The following UNC13D variants were observed in gnomAD, a reference collection of about 807,000 sequenced individuals.
UNC13D encodes unc-13 homolog D, also known as protein unc-13 homolog D.
In UNC13D, 115 loss-of-function variants were observed where a neutral mutation model predicts 151.7. That is an observed-to-expected ratio of 0.76 (90% confidence interval 0.65 to 0.88). The LOEUF (loss-of-function observed/expected upper bound fraction) is 0.88. Among genes scored for constraint, UNC13D ranks in the 40% least tolerant of loss-of-function variants. UNC13D has a pLI of 0.00. For missense variants in UNC13D, 1,369 were observed against 1,438.7 expected, an observed-to-expected ratio of 0.95 and a Z score of 0.78; for synonymous variants, 588 against 612.2, an observed-to-expected ratio of 0.96 and a Z score of 0.58.
chr17:75,832,644 A>C lies in UNC13D; in HGVS notation c.2447+322T>G. The C allele has an allele frequency of 3.4e-6, 1 of 291,106 alleles. No individual in the cohort carries two copies. Among genetic ancestry groups the C allele is most frequent in the African/African-American group, 2.1e-5 (1 of 46,854 alleles). The allele number at this position is 291,106 out of a possible 1,614,324, so 18.0% of individuals were successfully genotyped here. A position where few individuals can be genotyped will look rare whatever the true frequency, so the allele number is the denominator to read the frequency against. ...GGACAGGTAGATTTTGGCTCAGCCT[A>C]AGGAAGAACTCAAAGCACTCAGAGC... On this transcript the variant is annotated intron_variant, in intron 25 of 31. Transcript: ENST00000207549. The surrounding 1 kb of genome is among the most constrained non-coding windows in gnomAD (Gnocchi z 4.3).
intron 6 of UNC13D, 85 bp from the exon 7 acceptor site, chr17:75,841,086 T>C: frequency 6.6e-7 from 1 of 1,522,814 alleles, no homozygotes; most frequent in Non-Finnish European, 9.1e-7. Flanking sequence ...CCCAGAGCCA[T>C]GGAGTTGTAG....
In UNC13D at chr17:75,842,540, C is replaced by A; in HGVS notation, c.462G>T (p.Arg154=). 1 of 1,612,518 alleles carries A rather than the reference C, an allele frequency of 6.2e-7. No homozygotes were observed. Among genetic ancestry groups the A allele is most frequent in the Admixed American group, 1.7e-5 (1 of 59,972 alleles). The change falls in exon 6 of 32, where the codon CGG becomes CGT. Residue 154 remains arginine, a synonymous_variant. Coordinates refer to ENST00000207549, the MANE Select transcript of UNC13D (RefSeq NM_199242.3). ...VGVPGGSPGS[R]HRQKAVVRHT... Reference sequence around the variant, plus strand: ...GCCTCACCACAGCCTTCTGCCGATGCCGGGACCCGGGGCTGCCCCCTGGCA... The same window carrying A: ...GCCTCACCACAGCCTTCTGCCGATGACGGGACCCGGGGCTGCCCCCTGGCA...
chr17:75,830,622 G>T lies in UNC13D; in HGVS notation c.2665C>A (p.Arg889=). The change falls in exon 28 of 32, where the codon CGG becomes AGG. Residue 889 remains arginine (R), a synonymous_variant. Coordinates refer to ENST00000207549, the MANE Select transcript of UNC13D (RefSeq NM_199242.3). The stretch of plus-strand genomic sequence containing the variant: ...CAGAAGTACTTCCGGATGAGTTCCC[G>T]GCTGGAGGCCGCCTGCAGCTCCAGG... The part of the protein sequence containing the change: ...RDLELQAASS[R]ELIRKYFCSR... 1 of 1,557,738 alleles carries T rather than the reference G, an allele frequency of 6.4e-7. No homozygotes were observed. The highest frequency in any genetic ancestry group is 8.7e-7 in the Non-Finnish European group (1 of 1,151,046).
rs757976527 is a variant in UNC13D at position 75,828,138 on chromosome 17, G to A, written c.3152-52C>T. On this transcript the variant is annotated intron_variant, in intron 31 of 31. Transcript: ENST00000207549. ...GATGCCAGGGGAGAGGGCAGTGCCT[G>A]GTGGTGGCAGAGAAGAGTGTGTGGG... is the stretch of plus-strand genomic sequence containing the variant. 16 of 1,552,228 alleles carry A rather than the reference G, an allele frequency of 1.0e-5. No homozygotes were observed. The African/African-American group carries it at 2.0e-4, about 20-fold the overall frequency.
In UNC13D at chr17:75,834,663, G is replaced by A. The variant is rs139837456; in HGVS notation, c.2046C>T (p.Arg682=). Residue 682 remains arginine, a synonymous_variant, in exon 22 of 32, where the codon CGC becomes CGT. Transcript: ENST00000207549. Reference sequence around the variant, plus strand: ...GGTCCTTCTGGCCTGAAGAGAGCTCGCGGGCCCGGGCCTTTATAAGGCTGC... The same window carrying A: ...GGTCCTTCTGGCCTGAAGAGAGCTCACGGGCCCGGGCCTTTATAAGGCTGC... The part of the protein sequence containing the change: ...VYCSLIKARA[R]ELSSGQKDQG... 53 of 1,613,720 alleles carry A rather than the reference G, an allele frequency of 3.3e-5. No homozygotes were observed. In the African/African-American group the frequency reaches 4.9e-4, roughly 15 times the overall value.
chr17:75,833,205 C>A lies in UNC13D; in HGVS notation c.2368-160G>T. ...CCGGCCTGCCCACCTCTCTGCCTTC[C>A]CCTCTCCGTTGCTCAGCCTGTCCCA... On this transcript the variant is annotated intron_variant, in intron 24 of 31. Transcript: ENST00000207549. This position sits in a 1 kb window ranked among gnomAD's most constrained non-coding sequence, Gnocchi z 4.0. The A allele has an allele frequency of 1.5e-6, 1 of 652,766 alleles. No homozygotes were observed. The highest frequency in any genetic ancestry group is 2.9e-5 in the East Asian group (1 of 34,156). The allele number at this position is 652,766 out of a possible 1,614,324, so 40.4% of individuals were successfully genotyped here. A position where few individuals can be genotyped will look rare whatever the true frequency, so the allele number is the denominator to read the frequency against.
chr17:75,834,307 T>C lies in UNC13D; in HGVS notation c.2298+18A>G, dbSNP rs771919795. 9 of 1,592,856 alleles carry C rather than the reference T, an allele frequency of 5.7e-6. No homozygotes were observed. The highest frequency in any genetic ancestry group is 7.6e-6 in the Non-Finnish European group (9 of 1,177,776). On this transcript the variant is annotated intron_variant, in intron 23 of 31. Transcript: ENST00000207549. ...AAGACGGGATGGGATGGGGTGACTG[T>C]GCGGTCGGACAAGGTACCTGCTCGG...
chr17:75,827,302 G>T lies in UNC13D; in HGVS notation c.*663C>A, dbSNP rs562884111. ...CTAGGTGGCAGGTGCTGTCCGGGGA[G>T]GGGGCGTGCGCAGCAGACACAGCAG... On this transcript the variant is annotated 3_prime_UTR_variant, in exon 32 of 32. Coordinates refer to ENST00000207549, the MANE Select transcript of UNC13D (RefSeq NM_199242.3). The T allele has an allele frequency of 2.4e-5, 15 of 613,420 alleles. No homozygotes were observed. In the East Asian group the frequency reaches 4.9e-4, roughly 20 times the overall value. 38.0% of individuals were successfully genotyped at this position (613,420 alleles called of 1,614,324 possible).
In UNC13D at chr17:75,843,772, T is replaced by G. The variant is rs1444489020; in HGVS notation, c.118-253A>C. The G allele has an allele frequency of 7.1e-6, 10 of 1,405,072 alleles. No individual in the cohort carries two copies. The Admixed American group carries it at 1.5e-4, about 21-fold the overall frequency. 87.0% of individuals were successfully genotyped at this position (1,405,072 alleles called of 1,614,324 possible). A position where few individuals can be genotyped will look rare whatever the true frequency, so the allele number is the denominator to read the frequency against. On this transcript the variant is annotated intron_variant, in intron 1 of 31. Coordinates refer to ENST00000207549, the MANE Select transcript of UNC13D (RefSeq NM_199242.3). ...CGCACCCGCACCCCACCTCCCTCCC[T>G]TCCCCAGAGGAAACAGCTCTGCTTA...
chr17:75,840,135 A>T lies in UNC13D; in HGVS notation c.859-25T>A, dbSNP rs746297532. On this transcript the variant is annotated intron_variant, in intron 10 of 31. Transcript: ENST00000207549. This position sits in a 1 kb window ranked among gnomAD's most constrained non-coding sequence, Gnocchi z 4.6. ...TCTGCAATGAGGCCTCTGTGAGCAG[A>T]CAGGGCCTCACACTGGGTGCAGCCA... 21 of 1,611,394 alleles carry T rather than the reference A, an allele frequency of 1.3e-5. No individual in the cohort carries two copies. In the Admixed American group the frequency reaches 3.2e-4, roughly 24 times the overall value.
chr17:75,843,255 G>T lies in UNC13D; in HGVS notation c.165C>A (p.Leu55=). ...AGACAGTGTAGAGTGCGTCCTCGTA[G>T]AGCAGGGCCCGCTAAGACACACGGG... is the stretch of plus-strand genomic sequence containing the variant. The part of the protein sequence containing the change: ...HHFSPEQRAL[L]YEDALYTVLH... The change falls in exon 3 of 32, where the codon CTC becomes CTA. Residue 55 remains leucine, a synonymous_variant. Coordinates refer to ENST00000207549, the MANE Select transcript of UNC13D (RefSeq NM_199242.3). The T allele has an allele frequency of 6.2e-7, 1 of 1,608,074 alleles. No individual in the cohort carries two copies. The highest frequency in any genetic ancestry group is 8.5e-7 in the Non-Finnish European group (1 of 1,179,912).
At position 75,840,126 on chromosome 17, in the gene UNC13D, T is replaced by C; in HGVS notation, c.859-16A>G. ...AAGTGGCTCTCTGCAATGAGGCCTCTGTGAGCAGACAGGGCCTCACACTGG... is the reference window on the plus strand; with the variant it reads ...AAGTGGCTCTCTGCAATGAGGCCTCCGTGAGCAGACAGGGCCTCACACTGG... On this transcript the variant is annotated splice_polypyrimidine_tract_variant and intron_variant, in intron 10 of 31. Coordinates refer to ENST00000207549, the MANE Select transcript of UNC13D (RefSeq NM_199242.3). The surrounding 1 kb of genome is among the most constrained non-coding windows in gnomAD (Gnocchi z 4.6). The C allele has an allele frequency of 6.2e-7, 1 of 1,612,214 alleles. No homozygotes were observed. The highest frequency in any genetic ancestry group is 8.5e-7 in the Non-Finnish European group (1 of 1,179,420).
chr17:75,839,757 A>G, intron 12 of UNC13D, 82 bp downstream of exon 12: 1 of 1,423,226 alleles, frequency 7.0e-7, no homozygotes, highest in South Asian at 1.1e-5. Flanking sequence ...TGAGAATTAC[A>G]CTTTGGGCTA....
Position 75,830,068 on chromosome 17 carries a change from T to C in UNC13D, c.2914A>G (p.Lys972Glu). ...ELAARETQKH[K>E]KDLHPLFDET... is the part of the protein sequence containing the mutation. ...TCAAACAATGGGTGAAGGTCCTTCT[T>C]GTGCTTCTGGGTCTCCCGGGCGGCC... The change falls in exon 30 of 32, where the codon AAG becomes GAG. Residue 972 changes from lysine (K) to glutamate (E), a missense_variant. Transcript: ENST00000207549. 2 of 1,578,126 alleles carry C rather than the reference T, an allele frequency of 1.3e-6. No individual in the cohort carries two copies. The highest frequency in any genetic ancestry group is 1.7e-6 in the Non-Finnish European group (2 of 1,161,738).
Position 75,834,752 on chromosome 17 carries a change from G to T in UNC13D, c.1993-36C>A, listed in dbSNP as rs753533875. Reference sequence around the variant, plus strand: ...GTTGGACAGAGGGAACTGATCCATGGGTGGGGCATCCAGGAAGGGCAGGTG... The same window carrying T: ...GTTGGACAGAGGGAACTGATCCATGTGTGGGGCATCCAGGAAGGGCAGGTG... On this transcript the variant is annotated intron_variant, in intron 21 of 31. Transcript: ENST00000207549. The T allele has an allele frequency of 1.4e-5, 22 of 1,611,022 alleles. No homozygotes were observed. In the East Asian group the frequency reaches 4.9e-4, roughly 36 times the overall value.
intron 2 of UNC13D, 42 bp downstream of exon 2, chr17:75,843,442 C>T (rs576154507): frequency 1.4e-5 from 22 of 1,587,198 alleles, no homozygotes; most frequent in Admixed American, 5.4e-5. Context: ...GACACACAGC[C>T]GCCCTCCCCA....
In UNC13D at chr17:75,831,231, C is replaced by G; in HGVS notation, c.2553+12G>C. 1 of 1,614,088 alleles carries G rather than the reference C, an allele frequency of 6.2e-7. No individual in the cohort carries two copies. Among genetic ancestry groups the G allele is most frequent in the Non-Finnish European group, 8.5e-7 (1 of 1,180,016 alleles). ...CCACCAGGGTTATCATTGCTGTGAC[C>G]GGTTCTGTTACCTGCAGGGCAATCT... On this transcript the variant is annotated intron_variant, in intron 26 of 31. Transcript: ENST00000207549.
chr17:75,839,490 A>G (rs528007453), intron 12 of UNC13D, among the ~76,000 whole-genome samples: 1 of 151,598 alleles, frequency 6.6e-6, no homozygotes, highest in Non-Finnish European at 1.5e-5. Context: ...TCTGGATGGT[A>G]TGTCAAATCT....
At chr17:75,839,079 G>A (rs978746162) in intron 12 of UNC13D, among the ~76,000 whole-genome samples, 8 of 150,340 alleles carry the variant, frequency 5.3e-5, no homozygotes, top group African/African-American at 1.2e-4. Context: ...CGGCCTGGGC[G>A]AAAGAGCAAG....
Sources: gnomAD v4.1 joint callset for allele counts (sites outside exome capture counted in the v4.1 genomes callset) on GRCh38, gnomAD v4.1.1 for gene constraint, Gnocchi (gnomAD v3.1) non-coding constraint, MANE v1.5 for transcripts, NCBI Gene and HGNC (gene_info 2026-07-23, HGNC 2026-07-21) for gene names.